The following DIAPH3 variants were observed in gnomAD, a reference collection of about 807,000 sequenced individuals.
The protein encoded by DIAPH3 is diaphanous related formin 3, also known as protein diaphanous homolog 3.
DIAPH3 carries 117 observed loss-of-function variants against 144.3 expected under a neutral mutation model. The ratio of observed to expected loss-of-function variants is 0.81; its 90% CI spans 0.70 to 0.95. The LOEUF (loss-of-function observed/expected upper bound fraction) is 0.95, where lower values mean the gene tolerates loss of function less well. Ranked by LOEUF, DIAPH3 falls within the 40% of genes least tolerant of loss-of-function variation. The probability of loss-of-function intolerance (pLI) is 0.00; values close to 1 mark genes in which losing one functional copy is unlikely to be tolerated. For synonymous variants in DIAPH3, 519 were observed against 488.9 expected, an observed-to-expected ratio of 1.06 and a Z score of -0.81; for missense variants, 1,421 against 1,412.7, an observed-to-expected ratio of 1.01 and a Z score of -0.09.
intron 27 of DIAPH3, among the ~76,000 whole-genome samples, chr13:59,751,430 A>G (rs1358965035): frequency 6.6e-6 from 1 of 152,218 alleles, no homozygotes; most frequent in Non-Finnish European, 1.5e-5. Flanking sequence ...AAAACAATTA[A>G]TCATTAAATT....
intron 5 of DIAPH3, among the ~76,000 whole-genome samples, chr13:60,036,419 T>G (rs1336110803): frequency 6.6e-6 from 1 of 152,110 alleles, no homozygotes; most frequent in Non-Finnish European, 1.5e-5. Context: ...AATATGTTGT[T>G]GTGTTTTTTT....
At chr13:60,162,135 C>T (rs930086954) in intron 1 of DIAPH3, among the ~76,000 whole-genome samples, 1 of 152,122 alleles carries the variant, frequency 6.6e-6, no homozygotes, top group Non-Finnish European at 1.5e-5. Flanking sequence ...TTATGAGAAT[C>T]CATTTAACAA....
At chr13:60,051,598 C>G (rs1304509734) in intron 4 of DIAPH3, among the ~76,000 whole-genome samples, 4 of 151,064 alleles carry the variant, frequency 2.6e-5, no homozygotes, top group African/African-American at 9.7e-5. Flanking sequence ...CCAGCCTGGG[C>G]AACAAGAAAC....
chr13:60,116,267 T>G (rs575395370), intron 2 of DIAPH3, among the ~76,000 whole-genome samples: 1 of 152,104 alleles, frequency 6.6e-6, no homozygotes, highest in African/African-American at 2.4e-5. Context: ...GTAGGAGGTA[T>G]GTGAAATGTA....
intron 27 of DIAPH3, among the ~76,000 whole-genome samples, chr13:59,670,308 G>GT (rs2032285253): frequency 6.6e-6 from 1 of 152,104 alleles, no homozygotes. Context: ...GTGCACAAGA[G>GT]TTTTTTAAAA....
At chr13:59,931,728 A>G (rs1016070295) in intron 17 of DIAPH3, among the ~76,000 whole-genome samples, 3 of 152,210 alleles carry the variant, frequency 2.0e-5, no homozygotes, top group Non-Finnish European at 4.4e-5. Context: ...TTAAGCAATC[A>G]GATAGATGAT....
At chr13:59,692,006 T>C (rs2033548751) in intron 27 of DIAPH3, among the ~76,000 whole-genome samples, 1 of 152,250 alleles carries the variant, frequency 6.6e-6, no homozygotes, top group Admixed American at 6.5e-5. Context: ...AAGCTAAGTA[T>C]AGAATTTAGA....
At chr13:59,905,208 T>G (rs1384934240) in intron 20 of DIAPH3, among the ~76,000 whole-genome samples, 1 of 151,334 alleles carries the variant, frequency 6.6e-6, no homozygotes, top group Non-Finnish European at 1.5e-5. Flanking sequence ...CCGGGCGTGG[T>G]GGCGGGCGCC....
chr13:59,921,761 C>T (rs1273715359), intron 18 of DIAPH3, among the ~76,000 whole-genome samples: 1 of 151,998 alleles, frequency 6.6e-6, no homozygotes, highest in Non-Finnish European at 1.5e-5. Context: ...GAAACCAAAA[C>T]CTGCAAGAAT....
intron 20 of DIAPH3, among the ~76,000 whole-genome samples, chr13:59,882,412 A>C (rs777982817): frequency 6.6e-6 from 1 of 152,106 alleles, no homozygotes; most frequent in Non-Finnish European, 1.5e-5. Context: ...ATTTGAATCA[A>C]ACTTTATTTC....
chr13:60,083,319 T>A (rs1333384646), intron 4 of DIAPH3, among the ~76,000 whole-genome samples: 4 of 152,222 alleles, frequency 2.6e-5, no homozygotes. Context: ...CAAGCATTTA[T>A]CCTAAATTTC....
chr13:60,063,882 T>C (rs541970819), intron 4 of DIAPH3, among the ~76,000 whole-genome samples: 21 of 151,806 alleles, frequency 1.4e-4, no homozygotes, highest in Admixed American at 1.3e-4. Context: ...TGAGCCAAGA[T>C]CGCACCATTG....
intron 24 of DIAPH3, among the ~76,000 whole-genome samples, chr13:59,811,476 C>T (rs983258097): frequency 7.9e-5 from 12 of 152,140 alleles, no homozygotes; most frequent in Middle Eastern, 3.4e-3. Flanking sequence ...CAGTGGCTCA[C>T]GCCTGTAATC....
In DIAPH3 at chr13:59,705,437, T is replaced by C. The variant is rs1253485623; in HGVS notation, c.3320-38591A>G. On this transcript the variant is annotated intron_variant, in intron 27 of 27. Coordinates refer to ENST00000400324, the MANE Select transcript of DIAPH3 (RefSeq NM_001042517.2). ...CTTTGTTTTCAATGGTGGCAAAAAT[T>C]TTTCCCCCTGAAAGTAGATTTGACT... Among the ~76,000 whole-genome samples, 3 of 152,108 alleles carry C rather than the reference T, an allele frequency of 2.0e-5. No homozygotes were observed. The East Asian group carries it at 5.8e-4, about 29-fold the overall frequency.
At chr13:59,955,829 T>A (rs2049369615) in intron 17 of DIAPH3, among the ~76,000 whole-genome samples, 1 of 152,114 alleles carries the variant, frequency 6.6e-6, no homozygotes, top group South Asian at 2.1e-4. Flanking sequence ...TGGTCTCACA[T>A]GGAAATGAGG....
chr13:59,920,618 G>T (rs1038407175), intron 18 of DIAPH3, among the ~76,000 whole-genome samples: 2 of 151,316 alleles, frequency 1.3e-5, no homozygotes, highest in Admixed American at 6.6e-5. Context: ...TAGATCTACA[G>T]GGAGACATAC....
intron 10 of DIAPH3, 76 bp from the exon 11 acceptor site, chr13:59,992,262 A>C: frequency 2.4e-6 from 3 of 1,265,598 alleles, no homozygotes; most frequent in Non-Finnish European, 3.4e-6. Context: ...CATATAAACA[A>C]TAAACCAACC....
chr13:60,065,253 TAAAAAAAAAAAAA>T (rs11344639), intron 4 of DIAPH3, among the ~76,000 whole-genome samples: 1 of 88,312 alleles, frequency 1.1e-5, no homozygotes, highest in Non-Finnish European at 2.3e-5. Flanking sequence ...TTTAATTTAT[TAAAAAAAAAAAAA>T]AAAAAAAAAG....
At chr13:59,857,742 A>C (rs1316021491) in intron 22 of DIAPH3, among the ~76,000 whole-genome samples, 1 of 152,196 alleles carries the variant, frequency 6.6e-6, no homozygotes, top group Non-Finnish European at 1.5e-5. Context: ...TTCCCAGCAA[A>C]AAGCACCAAA....
Sources: allele counts gnomAD v4.1 joint callset (sites outside exome capture counted in the v4.1 genomes callset), GRCh38; gene constraint gnomAD v4.1.1; transcripts MANE v1.5; gene names NCBI Gene and HGNC (gene_info 2026-07-23, HGNC 2026-07-21).